RUFY3: variants seen among roughly 807,000 people sequenced by gnomAD.
RUFY3 encodes protein RUFY3.
Under a neutral mutation model 84.0 loss-of-function variants are expected in RUFY3, and 34 were observed. The ratio of observed to expected loss-of-function variants is 0.40; its 90% CI spans 0.31 to 0.54. The LOEUF is 0.54. RUFY3 is among the 20% of genes least tolerant of loss of function. The probability of loss-of-function intolerance (pLI) is 0.39; values close to 1 mark genes in which losing one functional copy is unlikely to be tolerated. For missense variants in RUFY3, 507 were observed against 736.8 expected, an observed-to-expected ratio of 0.69 and a Z score of 3.61; for synonymous variants, 242 against 252.9, an observed-to-expected ratio of 0.96 and a Z score of 0.41.
In RUFY3 at chr4:70,789,523, G is replaced by A. The variant is rs1428539597; in HGVS notation, c.1268G>A (p.Ser423Asn). ...TCAGACTTAGGAGTAAAACAGAAAA[G>A]TGAACTAAACAGTCGCTTGGAAGAG... ...QSSDLGVKQK[S>N]ELNSRLEEKT... The change falls in exon 12 of 18, where the codon AGT becomes AAT. Residue 423 changes from serine to asparagine, a missense_variant. Physicochemically the swap from Ser to Asn is conservative, Grantham distance 46. Coordinates refer to ENST00000381006, the MANE Select transcript of RUFY3 (RefSeq NM_001037442.4). 1 of 1,612,652 alleles carries A rather than the reference G, an allele frequency of 6.2e-7. No homozygotes were observed. Among genetic ancestry groups the A allele is most frequent in the East Asian group, 2.2e-5 (1 of 44,752 alleles).
chr4:70,802,933 A>T (rs1321226678), intron 15 of RUFY3, 23 bp from the exon 16 acceptor site: 1 of 1,577,156 alleles, frequency 6.3e-7, no homozygotes, highest in African/African-American at 1.4e-5. Flanking sequence ...TATTTGTCAC[A>T]ATTTTTTACT....
Position 70,705,100 on chromosome 4 carries a change from C to CG in RUFY3, c.166dup (p.Glu56GlyfsTer67). The stretch of plus-strand genomic sequence containing the variant: ...CCGCCGGCCTCCCCCGCCGGGCAGT[C>CG]GGAGCCCGACTCGCCGGTGGCCGCC... On this transcript the variant is annotated frameshift_variant, in exon 1 of 12. Coordinates refer to the RUFY3 transcript ENST00000417478. LOFTEE classifies it high-confidence loss of function. The CG allele has an allele frequency of 7.2e-7, 1 of 1,397,990 alleles. No individual in the cohort carries two copies. The highest frequency in any genetic ancestry group is 9.3e-7 in the Non-Finnish European group (1 of 1,076,418). 86.6% of individuals were successfully genotyped at this position (1,397,990 alleles called of 1,614,324 possible).
intron 1 of RUFY3, among the ~76,000 whole-genome samples, chr4:70,711,445 A>G (rs1304108631): frequency 6.6e-6 from 1 of 152,254 alleles, no homozygotes; most frequent in Middle Eastern, 3.2e-3. Flanking sequence ...TTTTGGAAAC[A>G]GCAGAGTGAT....
At chr4:70,742,759 C>G (rs1189265999) in intron 1 of RUFY3, among the ~76,000 whole-genome samples, 2 of 152,174 alleles carry the variant, frequency 1.3e-5, no homozygotes, top group Admixed American at 6.5e-5. Context: ...TAGATCTGGT[C>G]ATTACCAAAC....
intron 1 of RUFY3, among the ~76,000 whole-genome samples, chr4:70,728,232 G>A (rs184966494): frequency 3.9e-5 from 6 of 152,266 alleles, no homozygotes; most frequent in East Asian, 1.9e-4. Context: ...CAACAGTTGC[G>A]CAAAATCATC....
intron 5 of RUFY3, among the ~76,000 whole-genome samples, chr4:70,772,814 C>T (rs1039838760): frequency 6.6e-6 from 1 of 152,040 alleles, no homozygotes; most frequent in Non-Finnish European, 1.5e-5. Context: ...GCATGTGCCA[C>T]CACACCCAGC....
intron 1 of RUFY3, among the ~76,000 whole-genome samples, chr4:70,715,165 A>G (rs76190663): frequency 0.01 from 1,533 of 152,330 alleles, 30 homozygotes; most frequent in African/African-American, 0.036. Context: ...GTTCTGGGAA[A>G]GGAGGTGGGA....
rs1742382355 is a variant in RUFY3, at chr4:70,722,205, G to C, written c.-369G>C. 1.5e-5 allele frequency: 19 copies of C among 1,229,386 alleles called. No homozygotes were observed. Among genetic ancestry groups the C allele is most frequent in the Non-Finnish European group, 1.9e-5 (19 of 987,234 alleles). The allele number at this position is 1,229,386 out of a possible 1,614,324, so 76.2% of individuals were successfully genotyped here. A position where few individuals can be genotyped will look rare whatever the true frequency, so the allele number is the denominator to read the frequency against. ...CTCATATCGAGGCCAGATTTTTAAA[G>C]CCAGCTAAGGCAGCATCAGCTGTGC... On this transcript the variant is annotated 5_prime_UTR_variant, in exon 1 of 18. Transcript: ENST00000381006.
intron 1 of RUFY3, among the ~76,000 whole-genome samples, chr4:70,745,570 T>C (rs1177813169): frequency 6.6e-6 from 1 of 152,186 alleles, no homozygotes; most frequent in African/African-American, 2.4e-5. Flanking sequence ...TGCCCGTCTC[T>C]CTGAGGATTA....
intron 8 of RUFY3, among the ~76,000 whole-genome samples, chr4:70,780,175 A>G (rs1728668179): frequency 6.6e-6 from 1 of 152,176 alleles, no homozygotes; most frequent in South Asian, 2.1e-4. Context: ...TTCTGCTGCT[A>G]CTATGTTGAA....
intron 17 of RUFY3, 60 bp downstream of exon 17, chr4:70,804,476 C>A: frequency 7.0e-7 from 1 of 1,430,602 alleles, no homozygotes; most frequent in South Asian, 1.2e-5. Context: ...GCCCCCAGTC[C>A]CTCCCCAGGA....
At chr4:70,797,433 A>G (rs899701205) in intron 14 of RUFY3, among the ~76,000 whole-genome samples, 4 of 152,256 alleles carry the variant, frequency 2.6e-5, no homozygotes, top group Non-Finnish European at 5.9e-5. Flanking sequence ...AAGCAGGAAG[A>G]GTTCATAAAC....
chr4:70,709,613 G>A (rs1740738417), intron 1 of RUFY3, among the ~76,000 whole-genome samples: 1 of 152,162 alleles, frequency 6.6e-6, no homozygotes, highest in African/African-American at 2.4e-5. Context: ...TGCAGGCCAT[G>A]GTGTAATACT....
chr4:70,788,728 CT>C, intron 10 of RUFY3, 77 bp from the exon 11 acceptor site: 1 of 1,511,062 alleles, frequency 6.6e-7, no homozygotes, highest in Non-Finnish European at 9.0e-7. Flanking sequence ...TTTTGGTGTA[CT>C]TTTTCCTGTG....
At chr4:70,728,209 G>T (rs1718616116) in intron 1 of RUFY3, among the ~76,000 whole-genome samples, 1 of 152,172 alleles carries the variant, frequency 6.6e-6, no homozygotes, top group Non-Finnish European at 1.5e-5. Flanking sequence ...ATGCTTAGAA[G>T]ACTTAAATTA....
chr4:70,799,778 C>G (rs967267523), intron 14 of RUFY3: 1 of 219,728 alleles, frequency 4.6e-6, no homozygotes, highest in African/African-American at 2.4e-5. Context: ...TATGGCCATC[C>G]TTGGTTTTAC....
At chr4:70,804,555 A>C in intron 17 of RUFY3, 139 bp downstream of exon 17, 1 of 549,472 alleles carries the variant, frequency 1.8e-6, no homozygotes, top group Non-Finnish European at 3.2e-6. Flanking sequence ...GAAAAGCAAA[A>C]GGGGCAAGCA....
At position 70,770,382 on chromosome 4, in the gene RUFY3, C is replaced by T. The variant is rs902939666; in HGVS notation, c.696+1721C>T. Among the ~76,000 whole-genome samples, 15 of 152,272 alleles carry T rather than the reference C, an allele frequency of 9.9e-5. 1 individual carries two copies. The highest frequency in any genetic ancestry group is 6.8e-3 in the Middle Eastern group (2 of 294). ...GAAAATCTGTTGTTGAGTGTATCCA[C>T]CTTCATCAATTATCTTAATTAGATC... On this transcript the variant is annotated intron_variant, in intron 5 of 17. Coordinates refer to ENST00000381006, the MANE Select transcript of RUFY3 (RefSeq NM_001037442.4).
chr4:70,759,908 T>G (rs1578115926), intron 1 of RUFY3, among the ~76,000 whole-genome samples: 2 of 152,342 alleles, frequency 1.3e-5, no homozygotes, highest in East Asian at 3.9e-4. Flanking sequence ...TTGTCAGTGC[T>G]ACTGACATCT....
Sources: gnomAD v4.1 joint callset for allele counts (sites outside exome capture counted in the v4.1 genomes callset) on GRCh38, gnomAD v4.1.1 for gene constraint, MANE v1.5 for transcripts, NCBI Gene and HGNC (gene_info 2026-07-23, HGNC 2026-07-21) for gene names.